PBX1: variants seen among roughly 807,000 people sequenced by gnomAD.
PBX1 encodes pre-B-cell leukemia transcription factor 1.
In PBX1, 6 loss-of-function variants were observed where a neutral mutation model predicts 53.4. The observed-to-expected ratio is 0.11, with a 90% confidence interval of 0.06 to 0.22. The LOEUF (loss-of-function observed/expected upper bound fraction) is 0.22. Among genes scored for constraint, PBX1 ranks in the 10% least tolerant of loss-of-function variants. The pLI is 1.00. For synonymous variants in PBX1, 204 were observed against 212.3 expected, an observed-to-expected ratio of 0.96 and a Z score of 0.34; for missense variants, 251 against 551.4, an observed-to-expected ratio of 0.46 and a Z score of 5.46.
chr1:164,687,561 T>TAAAAAAA, intron 2 of PBX1, among the ~76,000 whole-genome samples: 1 of 110,490 alleles, frequency 9.1e-6, no homozygotes. Context: ...AGACCTTGTC[T>TAAAAAAA]AAAAAAAAAA....
At chr1:164,746,537 C>T (rs184752837) in intron 2 of PBX1, among the ~76,000 whole-genome samples, 6 of 151,896 alleles carry the variant, frequency 4.0e-5, no homozygotes, top group African/African-American at 9.7e-5. Context: ...CCACCACGCC[C>T]GGCTAAGTTT....
intron 2 of PBX1, among the ~76,000 whole-genome samples, chr1:164,696,576 G>T (rs916570266): frequency 1.3e-5 from 2 of 152,170 alleles, no homozygotes; most frequent in Non-Finnish European, 2.9e-5. Context: ...GTTTATCTTT[G>T]TAAGTTCTCT....
rs377054240 is a variant in PBX1, at chr1:164,776,942, GGAGAGA to G, written c.266-15520_266-15515del. On this transcript the variant is annotated intron_variant, in intron 2 of 8. Transcript: ENST00000420696. ...GTGTGTGTGTGTGTGTGTGGTGGGA[GGAGAGA>G]GAGAGAGAGAGAGAGAGAGAGAGAG... Among the ~76,000 whole-genome samples the G allele has an allele frequency of 1.2e-3, 52 of 43,564 alleles. 2 individuals are homozygous for G. The highest frequency in any genetic ancestry group is 1.4e-3 in the African/African-American group (13 of 9,100). The allele number at this position is 43,564 out of a possible 152,430, so 28.6% of individuals were successfully genotyped here.
chr1:164,872,074 G>A (rs1041244651), intron 2 of PBX1, among the ~76,000 whole-genome samples: 6 of 152,120 alleles, frequency 3.9e-5, no homozygotes, highest in Non-Finnish European at 5.9e-5. Flanking sequence ...TCTGAAAAAG[G>A]CTATGGACCT....
At chr1:164,702,434 C>T (rs1663176708) in intron 2 of PBX1, among the ~76,000 whole-genome samples, 1 of 152,130 alleles carries the variant, frequency 6.6e-6, no homozygotes, top group South Asian at 2.1e-4. Context: ...TGTTTATAGA[C>T]ATCATTTGGC....
chr1:164,804,253 A>C (rs1373079626), intron 4 of PBX1, among the ~76,000 whole-genome samples: 2 of 152,144 alleles, frequency 1.3e-5, no homozygotes, highest in Non-Finnish European at 2.9e-5. Context: ...ATTCCAAAGA[A>C]AATATTCTTA....
At chr1:164,618,330 T>G in intron 2 of PBX1, among the ~76,000 whole-genome samples, 1 of 135,100 alleles carries the variant, frequency 7.4e-6, no homozygotes, top group Non-Finnish European at 1.6e-5. Flanking sequence ...TGATCAGCAC[T>G]AGCCCAGCCT....
rs144804162 is a variant in PBX1 at position 164,749,196 on chromosome 1, C to T, written c.266-43298C>T. Among the ~76,000 whole-genome samples, 193 of 152,224 alleles carry T rather than the reference C, an allele frequency of 1.3e-3. 1 individual carries two copies. Among genetic ancestry groups the T allele is most frequent in the African/African-American group, 4.5e-3 (185 of 41,552 alleles). The stretch of plus-strand genomic sequence containing the variant: ...AACTCATTGCATTTTTAGTAATGCC[C>T]CCTTTCAGTTTTTAATCTATTTGCA... On this transcript the variant is annotated intron_variant, in intron 2 of 8. Coordinates refer to ENST00000420696, the MANE Select transcript of PBX1 (RefSeq NM_002585.4).
In PBX1 at chr1:164,881,094, C is replaced by T. The variant is rs887646603; in HGVS notation, n.258-18094C>T. ...ATTGCTACACTCTGGCTTTCTGGTA[C>T]CCAACTGCAGCCAAGACAGCCCTCC... On this transcript the variant is annotated intron_variant and non_coding_transcript_variant, in intron 2 of 2. Coordinates refer to the PBX1 transcript ENST00000558796. Among the ~76,000 whole-genome samples the T allele has an allele frequency of 6.6e-5, 10 of 152,300 alleles. No individual in the cohort carries two copies. The East Asian group carries it at 1.7e-3, about 27-fold the overall frequency.
At chr1:164,563,866 G>T (rs947038527) in intron 2 of PBX1, 1 of 152,306 alleles carries the variant, frequency 6.6e-6, no homozygotes, top group Non-Finnish European at 1.5e-5. Flanking sequence ...AGGGAGAATC[G>T]TTGGGTTTAG....
intron 1 of PBX1, 99 bp from the exon 2 acceptor site, chr1:164,563,139 A>G (rs1000808119): frequency 2.6e-6 from 2 of 773,338 alleles, no homozygotes; most frequent in Admixed American, 2.1e-5. Flanking sequence ...GGTTGGGTAT[A>G]TAATTTTGTC....
At chr1:164,775,646 G>A (rs996803019) in intron 2 of PBX1, among the ~76,000 whole-genome samples, 12 of 152,278 alleles carry the variant, frequency 7.9e-5, no homozygotes, top group Non-Finnish European at 1.5e-4. Flanking sequence ...TGATGTTGGC[G>A]TGATTTATGC....
intron 6 of PBX1, chr1:164,817,547 A>G (rs1348244648): frequency 6.6e-6 from 1 of 152,272 alleles, no homozygotes; most frequent in East Asian, 1.9e-4. Context: ...AGCACAGCCA[A>G]GAGCACAAGG....
rs889480458 is a variant in PBX1 at position 164,740,295 on chromosome 1, G to T, written c.266-52199G>T. 2.0e-5 allele frequency among the ~76,000 whole-genome samples: 3 copies of T among 151,960 alleles called. No homozygotes were observed. In the East Asian group the frequency reaches 5.8e-4, roughly 29 times the overall value. ...ACAAACCATACTGAGCCATATACTT[G>T]ATGCCATATACTTTATACGTGCCAA... On this transcript the variant is annotated intron_variant, in intron 2 of 8. Coordinates refer to ENST00000420696, the MANE Select transcript of PBX1 (RefSeq NM_002585.4).
chr1:164,846,503 C>G, intron 8 of PBX1, 81 bp from the exon 9 acceptor site: 1 of 1,200,396 alleles, frequency 8.3e-7, no homozygotes, highest in Non-Finnish European at 1.2e-6. Context: ...GTCCTTTACA[C>G]AAGATGCCTC....
chr1:164,787,962 G>T (rs1371346837), intron 2 of PBX1, among the ~76,000 whole-genome samples: 1 of 152,152 alleles, frequency 6.6e-6, no homozygotes, highest in South Asian at 2.1e-4. Flanking sequence ...CATTTTTCGG[G>T]TAGTGGACGC....
intron 2 of PBX1, among the ~76,000 whole-genome samples, chr1:164,582,896 G>C (rs1175175640): frequency 6.6e-6 from 1 of 152,100 alleles, no homozygotes; most frequent in Non-Finnish European, 1.5e-5. Flanking sequence ...GTTAGACTCA[G>C]AATTTCTTGA....
chr1:164,833,724 G>C (rs1475476669), intron 8 of PBX1, among the ~76,000 whole-genome samples: 1 of 152,086 alleles, frequency 6.6e-6, no homozygotes, highest in African/African-American at 2.4e-5. Flanking sequence ...TTTTCAAAGT[G>C]AGCCTAGTTG....
At chr1:164,582,547 CG>C (rs1654686131) in intron 2 of PBX1, among the ~76,000 whole-genome samples, 1 of 151,902 alleles carries the variant, frequency 6.6e-6, no homozygotes, top group African/African-American at 2.4e-5. Flanking sequence ...CTCAGCCTCC[CG>C]AGTAGCTGGG....
Sources: gnomAD v4.1 joint callset for allele counts (sites outside exome capture counted in the v4.1 genomes callset) on GRCh38, gnomAD v4.1.1 for gene constraint, MANE v1.5 for transcripts, NCBI Gene and HGNC (gene_info 2026-07-23, HGNC 2026-07-21) for gene names.